Variants in CHSY3 observed in about 807,000 individuals in gnomAD.
The protein encoded by CHSY3 is chondroitin sulfate synthase 3.
A neutral mutation model predicts 67.2 loss-of-function variants in CHSY3; 35 were observed. That is an observed-to-expected ratio of 0.52 (90% CI 0.40 to 0.69). The LOEUF (loss-of-function observed/expected upper bound fraction) is 0.69, where lower values mean the gene tolerates loss of function less well. CHSY3 is among the 30% of genes least tolerant of loss of function. The pLI is 0.00. For synonymous variants in CHSY3, 474 were observed against 434.7 expected, an observed-to-expected ratio of 1.09 and a Z score of -1.12; for missense variants, 1,069 against 1,138.5, an observed-to-expected ratio of 0.94 and a Z score of 0.88.
intron 2 of CHSY3, among the ~76,000 whole-genome samples, chr5:130,002,534 G>T (rs1247575860): frequency 3.3e-5 from 5 of 152,106 alleles, no homozygotes; most frequent in African/African-American, 1.2e-4. Context: ...ATCCTGGCTA[G>T]CTTATTGTCC....
At chr5:129,978,425 T>C (rs2149619754) in intron 2 of CHSY3, among the ~76,000 whole-genome samples, 1 of 152,316 alleles carries the variant, frequency 6.6e-6, no homozygotes, top group Non-Finnish European at 1.5e-5. Context: ...ATACATATTT[T>C]ACATATGTAC....
intron 2 of CHSY3, among the ~76,000 whole-genome samples, chr5:130,156,203 G>C (rs1769371708): frequency 2.0e-5 from 3 of 152,090 alleles, no homozygotes; most frequent in Non-Finnish European, 4.4e-5. Flanking sequence ...TCAAGTTACT[G>C]CTTATTTCTA....
intron 2 of CHSY3, among the ~76,000 whole-genome samples, chr5:130,029,958 C>T (rs1442079890): frequency 6.6e-6 from 1 of 152,062 alleles, no homozygotes; most frequent in Non-Finnish European, 1.5e-5. Context: ...GTGGATTATA[C>T]CTTTTTCTTT....
At chr5:129,932,175 C>T (rs1267616808) in intron 2 of CHSY3, among the ~76,000 whole-genome samples, 32 of 143,130 alleles carry the variant, frequency 2.2e-4, no homozygotes, top group Admixed American at 5.7e-4. Flanking sequence ...ATCAGAGTCT[C>T]TGATAGTTTT....
intron 2 of CHSY3, among the ~76,000 whole-genome samples, chr5:129,940,361 G>C (rs536086539): frequency 3.9e-5 from 6 of 152,204 alleles, no homozygotes; most frequent in Admixed American, 3.3e-4. Flanking sequence ...AGGATTTGTA[G>C]TGATGACTTA....
chr5:130,084,566 C>T (rs1055567689), intron 2 of CHSY3, among the ~76,000 whole-genome samples: 1 of 151,798 alleles, frequency 6.6e-6, no homozygotes. Flanking sequence ...AGACATAAGA[C>T]ATCAAGAGAG....
chr5:129,905,953 A>C, intron 1 of CHSY3: 2 of 357,112 alleles, frequency 5.6e-6, no homozygotes, highest in South Asian at 1.2e-4. Context: ...GAGCTAAACC[A>C]AAGGCCATTC....
At chr5:129,952,503 T>G (rs974829226) in intron 2 of CHSY3, among the ~76,000 whole-genome samples, 1 of 152,234 alleles carries the variant, frequency 6.6e-6, no homozygotes, top group Admixed American at 6.5e-5. Flanking sequence ...TGCCTAATAA[T>G]CTATGTTTTC....
At chr5:130,107,180 GTAT>G (rs927699164) in intron 2 of CHSY3, among the ~76,000 whole-genome samples, 201 of 151,168 alleles carry the variant, frequency 1.3e-3, no homozygotes, top group African/African-American at 4.5e-3. Flanking sequence ...GTATAATTTT[GTAT>G]TATTTGATCA....
In CHSY3 at chr5:130,184,245, A is replaced by G. The variant is rs1313424235; in HGVS notation, c.1103A>G (p.His368Arg). The change falls in exon 3 of 3, where the codon CAT becomes CGT. Residue 368 changes from histidine (H) to arginine (R), a missense_variant. By Grantham distance (29) the His-to-Arg change is conservative. Coordinates refer to ENST00000305031, the MANE Select transcript of CHSY3 (RefSeq NM_175856.5). ...VWSYEMQQLF[H>R]ENYEHNRKGY... is the part of the protein sequence containing the mutation. ...ACTTTTCAGATGCAACAACTGTTCCATGAAAATTATGAACACAATCGGAAG... is the reference window on the plus strand; with the variant it reads ...ACTTTTCAGATGCAACAACTGTTCCGTGAAAATTATGAACACAATCGGAAG... 2.6e-6 allele frequency: 4 copies of G among 1,542,922 alleles called. No individual in the cohort carries two copies. Among genetic ancestry groups the G allele is most frequent in the Non-Finnish European group, 3.5e-6 (4 of 1,143,044 alleles).
intron 2 of CHSY3, among the ~76,000 whole-genome samples, chr5:130,021,240 G>T (rs529691299): frequency 6.6e-6 from 1 of 152,216 alleles, no homozygotes; most frequent in East Asian, 1.9e-4. Flanking sequence ...AATGGGCCAT[G>T]GTTAATATTG....
intron 2 of CHSY3, among the ~76,000 whole-genome samples, chr5:130,133,578 C>A (rs1424321052): frequency 6.6e-6 from 1 of 151,586 alleles, no homozygotes; most frequent in Non-Finnish European, 1.5e-5. Flanking sequence ...TCAAGACAAG[C>A]CTGGCCAACA....
At chr5:130,124,110 A>T (rs1413174055) in intron 2 of CHSY3, among the ~76,000 whole-genome samples, 1 of 151,792 alleles carries the variant, frequency 6.6e-6, no homozygotes, top group Non-Finnish European at 1.5e-5. Context: ...CATAAAATTG[A>T]CTATATAATA....
intron 2 of CHSY3, among the ~76,000 whole-genome samples, chr5:130,130,240 C>T (rs1456701771): frequency 1.3e-5 from 2 of 152,118 alleles, no homozygotes; most frequent in Non-Finnish European, 1.5e-5. Context: ...TCTTCCCTGA[C>T]ATCAGATGTA....
chr5:130,165,552 G>T (rs186272687), intron 2 of CHSY3, among the ~76,000 whole-genome samples: 1 of 151,978 alleles, frequency 6.6e-6, no homozygotes, highest in East Asian at 1.9e-4. Context: ...TGCTTTAAAA[G>T]AACTTCTCCA....
intron 2 of CHSY3, among the ~76,000 whole-genome samples, chr5:129,940,054 G>C (rs1761650610): frequency 6.6e-6 from 1 of 152,036 alleles, no homozygotes; most frequent in South Asian, 2.1e-4. Context: ...TTCTTTAGAG[G>C]CTTGTCATTA....
At chr5:130,140,688 T>C in intron 2 of CHSY3, 1 of 320,530 alleles carries the variant, frequency 3.1e-6, no homozygotes, top group Non-Finnish European at 5.7e-6. Context: ...TCTACAGCCA[T>C]AGCCACCCAC....
chr5:130,160,879 T>TTTTATTTA (rs1249583766), intron 2 of CHSY3, among the ~76,000 whole-genome samples: 72 of 146,814 alleles, frequency 4.9e-4, no homozygotes, highest in African/African-American at 1.2e-3. Flanking sequence ...TACTGATCAT[T>TTTTATTTA]TTTATTTATT....
intron 2 of CHSY3, among the ~76,000 whole-genome samples, chr5:130,134,195 AGTCCATG>A (rs1768583824): frequency 6.6e-6 from 1 of 152,190 alleles, no homozygotes; most frequent in African/African-American, 2.4e-5. Context: ...TTCTGCATGC[AGTCCATG>A]CTTCTAATCT....
Sources: gnomAD v4.1 joint callset for allele counts (sites outside exome capture counted in the v4.1 genomes callset) on GRCh38, gnomAD v4.1.1 for gene constraint, MANE v1.5 for transcripts, NCBI Gene and HGNC (gene_info 2026-07-23, HGNC 2026-07-21) for gene names.